Variants in PLIN3 observed in about 807,000 individuals in gnomAD.
PLIN3 encodes perilipin 3.
A neutral mutation model predicts 35.9 loss-of-function variants in PLIN3; 30 were observed. The observed-to-expected ratio is 0.84, with a 90% CI of 0.62 to 1.13. The LOEUF (loss-of-function observed/expected upper bound fraction) is 1.13, where lower values mean the gene tolerates loss of function less well. PLIN3 is among the 50% of genes most tolerant of loss of function. The probability of loss-of-function intolerance (pLI) is 0.00; values close to 1 mark genes in which losing one functional copy is unlikely to be tolerated. For synonymous variants in PLIN3, 261 were observed against 262.5 expected (o/e 0.99, Z 0.06); for missense variants, 603 against 596.9 (o/e 1.01, Z -0.11).
At chr19:4,844,818 G>A (rs1427688718) in intron 6 of PLIN3, 25 bp from the exon 7 acceptor site, 6 of 1,574,042 alleles carry the variant, frequency 3.8e-6, no homozygotes, top group Non-Finnish European at 5.2e-6. Context: ...AGAGAAGTGA[G>A]GGAAGGAGGC....
Position 4,839,007 on chromosome 19 carries a change from C to G in PLIN3, c.*185G>C, listed in dbSNP as rs1215510664. 2 of 509,194 alleles carry G rather than the reference C, an allele frequency of 3.9e-6. No homozygotes were observed. Among genetic ancestry groups the G allele is most frequent in the Non-Finnish European group, 7.0e-6 (2 of 285,666 alleles). The allele number at this position is 509,194 out of a possible 1,614,324, so 31.5% of individuals were successfully genotyped here. On this transcript the variant is annotated 3_prime_UTR_variant, in exon 8 of 8. Transcript: ENST00000221957. ...GCTCAGAACAGGCTTCTTCCAAGCTCAGAGAGGCTGAGAGATGGGTCAACT... is the reference window on the plus strand; with the variant it reads ...GCTCAGAACAGGCTTCTTCCAAGCTGAGAGAGGCTGAGAGATGGGTCAACT...
intron 4 of PLIN3, among the ~76,000 whole-genome samples, chr19:4,853,616 C>T (rs538871263): frequency 3.3e-5 from 5 of 151,978 alleles, no homozygotes; most frequent in Non-Finnish European, 5.9e-5. Flanking sequence ...TGAGCCACTG[C>T]GCCCAGCCTT....
Position 4,847,693 on chromosome 19 carries a change from G to C in PLIN3, c.832C>G (p.Leu278Val). Residue 278 changes from leucine to valine, a missense_variant and splice_region_variant, in exon 6 of 8, where the codon CTG (leucine) becomes GTG (valine). Leu to Val is a conservative substitution (Grantham distance 32). Transcript: ENST00000221957. ...GCCCCGACCCCCTGGAACCTCACCA[G>C]GCTTAGGACCTGCGACAGCTGCAGC... ...ALLQLSQVLSLMETVKQGVDQ... is the reference protein window; with the variant it reads ...ALLQLSQVLSVMETVKQGVDQ... The C allele has an allele frequency of 1.3e-6, 2 of 1,596,304 alleles. No individual in the cohort carries two copies. Among genetic ancestry groups the C allele is most frequent in the South Asian group, 1.1e-5 (1 of 88,796 alleles).
intron 1 of PLIN3, among the ~76,000 whole-genome samples, chr19:4,864,456 T>TG (rs1491394490): frequency 3.8e-5 from 2 of 53,166 alleles, no homozygotes; most frequent in Non-Finnish European, 9.7e-5. Context: ...CCGTGGTTTG[T>TG]TTTTTTTTTT....
In PLIN3 at chr19:4,858,706, T is replaced by TTTTTG. The variant is rs1470490066; in HGVS notation, c.348+883_348+884insCAAAA. Among the ~76,000 whole-genome samples the TTTTTG allele has an allele frequency of 6.7e-3, 859 of 127,474 alleles. 15 individuals are homozygous for TTTTTG. Among genetic ancestry groups the TTTTTG allele is most frequent in the Non-Finnish European group, 8.2e-3 (487 of 59,272 alleles). The allele number at this position is 127,474 out of a possible 152,430, so 83.6% of individuals were successfully genotyped here. A position where few individuals can be genotyped will look rare whatever the true frequency, so the allele number is the denominator to read the frequency against. On this transcript the variant is annotated intron_variant, in intron 4 of 7. Transcript: ENST00000221957. ...CAGAATATGGTGTTTTTTTGGTTTT[T>TTTTTG]TTTTTTTTTTTTGAGATGGAGTTTC...
chr19:4,863,403 A>G (rs188651091), intron 1 of PLIN3, among the ~76,000 whole-genome samples: 220 of 150,512 alleles, frequency 1.5e-3, no homozygotes, highest in African/African-American at 5.1e-3. Context: ...AGGCTGAGGC[A>G]GGAGAGTTAC....
Position 4,839,372 on chromosome 19 carries a change from G to A in PLIN3, c.1125C>T (p.Ser375=). 2 of 1,613,524 alleles carry A rather than the reference G, an allele frequency of 1.2e-6. No homozygotes were observed. Among genetic ancestry groups the A allele is most frequent in the Non-Finnish European group, 1.7e-6 (2 of 1,179,516 alleles). The change falls in exon 8 of 8, where the codon AGC becomes AGT. Residue 375 remains serine (S), a synonymous_variant. Coordinates refer to ENST00000221957, the MANE Select transcript of PLIN3 (RefSeq NM_005817.5). ...TGGACAGGTCCTGGAAGGAGTGGAT[G>A]CTGGAAAACGTGGCCTGGAGGTCCT... is the stretch of plus-strand genomic sequence containing the variant. The part of the protein sequence containing the change: ...QVEDLQATFS[S]IHSFQDLSSS...
chr19:4,839,812 CCCA>C (rs2029871772), intron 7 of PLIN3, among the ~76,000 whole-genome samples: 1 of 151,212 alleles, frequency 6.6e-6, no homozygotes, highest in African/African-American at 2.4e-5. Flanking sequence ...ACTACAGGCG[CCCA>C]CCACCACGCC....
chr19:4,842,360 T>C (rs1192023861), intron 7 of PLIN3, among the ~76,000 whole-genome samples: 3 of 150,538 alleles, frequency 2.0e-5, no homozygotes, highest in Non-Finnish European at 4.4e-5. Context: ...ACCCAGGAGG[T>C]GGAGGCTGCA....
chr19:4,863,837 A>G (rs967210277), intron 1 of PLIN3, among the ~76,000 whole-genome samples: 5 of 151,534 alleles, frequency 3.3e-5, no homozygotes, highest in African/African-American at 4.8e-5. Context: ...CAAAAAAAAA[A>G]AAAAGAAAAC....
intron 1 of PLIN3, 69 bp from the exon 2 acceptor site, chr19:4,861,480 G>T: frequency 9.1e-7 from 1 of 1,095,764 alleles, no homozygotes; most frequent in Non-Finnish European, 1.4e-6. Context: ...CCAGGCCCAC[G>T]CTGCAGCTGG....
rs1332591405 is a variant in PLIN3, at chr19:4,861,331, G to T, written c.64C>A (p.Gln22Lys). ...TQVTVEEPVQ[Q>K]PSVVDRVASM... is the part of the protein sequence containing the mutation. ...CCCTGGTCCCGGCCCTTCCTCACCT[G>T]CTGTACCGGTTCTTCCACTGTCACC... Residue 22 changes from glutamine (Q) to lysine (K), a missense_variant and splice_region_variant, in exon 2 of 8, where the codon CAG becomes AAG. Gln to Lys is a moderately conservative substitution (Grantham distance 53). Coordinates refer to ENST00000221957, the MANE Select transcript of PLIN3 (RefSeq NM_005817.5). The T allele has an allele frequency of 6.2e-7, 1 of 1,613,332 alleles. No homozygotes were observed. Among genetic ancestry groups the T allele is most frequent in the Admixed American group, 1.7e-5 (1 of 60,000 alleles).
intron 4 of PLIN3, among the ~76,000 whole-genome samples, chr19:4,854,274 C>T (rs546654057): frequency 9.9e-5 from 15 of 152,202 alleles, no homozygotes; most frequent in East Asian, 7.7e-4. Flanking sequence ...GAGGGCTCTC[C>T]GCAAAGTTGA....
intron 7 of PLIN3, among the ~76,000 whole-genome samples, chr19:4,841,904 CAAAAAAA>C (rs111932271): frequency 5.2e-5 from 2 of 38,644 alleles, no homozygotes; most frequent in African/African-American, 6.7e-5. Flanking sequence ...GACTCCATCT[CAAAAAAA>C]AAAAAAAAAA....
chr19:4,850,553 TG>T (rs1356592216), intron 5 of PLIN3, among the ~76,000 whole-genome samples: 40 of 151,004 alleles, frequency 2.6e-4, no homozygotes, highest in Admixed American at 2.3e-3. Flanking sequence ...CCCGAGTAGC[TG>T]GGACTACAGG....
In PLIN3 at chr19:4,844,804, G is replaced by A; in HGVS notation, c.835-11C>T. ...CTTGACAGTTTCCATCTGGGGCAGG[G>A]GAGAGAGAAGTGAGGGAAGGAGGCT... is the stretch of plus-strand genomic sequence containing the variant. On this transcript the variant is annotated splice_polypyrimidine_tract_variant and intron_variant, in intron 6 of 7. Transcript: ENST00000221957. 6.3e-7 allele frequency: 1 copy of A among 1,586,168 alleles called. No homozygotes were observed. Among genetic ancestry groups the A allele is most frequent in the Non-Finnish European group, 8.6e-7 (1 of 1,167,134 alleles).
chr19:4,839,444 G>A lies in PLIN3; in HGVS notation c.1053C>T (p.Leu351=), dbSNP rs1029544397. 50 of 1,597,010 alleles carry A rather than the reference G, an allele frequency of 3.1e-5. No homozygotes were observed. The highest frequency in any genetic ancestry group is 4.2e-5 in the Non-Finnish European group (49 of 1,168,192). Residue 351 remains leucine, a synonymous_variant, in exon 8 of 8, where the codon CTC becomes CTT. Coordinates refer to ENST00000221957, the MANE Select transcript of PLIN3 (RefSeq NM_005817.5). The stretch of plus-strand genomic sequence containing the variant: ...GCACCTGGTCCTTCACATTGGTGGG[G>A]AGGCCCTGAATGCTGGACCCCAGGG... The part of the protein sequence containing the change: ...CTSLGSSIQG[L]PTNVKDQVQQ...
chr19:4,853,134 A>G (rs189677183), intron 4 of PLIN3, among the ~76,000 whole-genome samples: 402 of 145,700 alleles, frequency 2.8e-3, no homozygotes, highest in Middle Eastern at 7.5e-3. Context: ...TTTTTTTTCA[A>G]TTTAATTTTT....
chr19:4,842,502 A>C (rs10423619), intron 7 of PLIN3, among the ~76,000 whole-genome samples: 48,548 of 148,532 alleles, frequency 0.33, 8,544 homozygotes, highest in African/African-American at 0.47. Flanking sequence ...CGGGAGGCTG[A>C]GGCAGGAGAA....
Sources: allele counts gnomAD v4.1 joint callset (sites outside exome capture counted in the v4.1 genomes callset), GRCh38; gene constraint gnomAD v4.1.1; transcripts MANE v1.5; gene names NCBI Gene and HGNC (gene_info 2026-07-23, HGNC 2026-07-21).